IRAK4: variants seen among roughly 807,000 people sequenced by gnomAD.
IRAK4 encodes interleukin-1 receptor-associated kinase 4.
IRAK4 carries 44 observed loss-of-function variants against 51.8 expected under a neutral mutation model. The ratio of observed to expected loss-of-function variants is 0.85; its 90% CI spans 0.67 to 1.09. The LOEUF (loss-of-function observed/expected upper bound fraction) is 1.09, where lower values mean the gene tolerates loss of function less well. Among genes scored for constraint, IRAK4 ranks in the 50% least tolerant of loss-of-function variants. The pLI is 0.00. For missense variants in IRAK4, 487 were observed against 538.0 expected, an observed-to-expected ratio of 0.91 and a Z score of 0.94; for synonymous variants, 149 against 174.1, an observed-to-expected ratio of 0.86 and a Z score of 1.13.
At chr12:43,784,719 A>G (rs913375494) in intron 10 of IRAK4, among the ~76,000 whole-genome samples, 14 of 152,236 alleles carry the variant, frequency 9.2e-5, no homozygotes, top group Admixed American at 4.6e-4. Flanking sequence ...ATCATATAAT[A>G]GTGAAAATCA....
chr12:43,786,931 C>G lies in IRAK4; in HGVS notation c.*216C>G. ...CCATTAGTATCACCCCCAGTTCTTA[C>G]AGTAATCCCTGAGAAATCTCCTTCA... On this transcript the variant is annotated 3_prime_UTR_variant, in exon 12 of 12. Transcript: ENST00000613694. 1 of 564,888 alleles carries G rather than the reference C, an allele frequency of 1.8e-6. No homozygotes were observed. Among genetic ancestry groups the G allele is most frequent in the Non-Finnish European group, 3.1e-6 (1 of 320,878 alleles). 35.0% of individuals were successfully genotyped at this position (564,888 alleles called of 1,614,324 possible). A position where few individuals can be genotyped will look rare whatever the true frequency, so the allele number is the denominator to read the frequency against.
intron 1 of IRAK4, among the ~76,000 whole-genome samples, chr12:43,767,092 ATTAT>A (rs1038116762): frequency 6.6e-6 from 1 of 152,216 alleles, no homozygotes; most frequent in African/African-American, 2.4e-5. Flanking sequence ...ATATGAACAC[ATTAT>A]TTACTCTAAA....
rs991505795 is a variant in IRAK4, at chr12:43,787,060, T to C, written c.*345T>C. ...TCTGAAGCCCAGCTGACTCCACTACTAATTTGCTGTAAAGCTTTGGACATA... is the reference window on the plus strand; with the variant it reads ...TCTGAAGCCCAGCTGACTCCACTACCAATTTGCTGTAAAGCTTTGGACATA... On this transcript the variant is annotated 3_prime_UTR_variant, in exon 12 of 12. Transcript: ENST00000613694. The C allele has an allele frequency of 7.6e-6, 2 of 264,284 alleles. No homozygotes were observed. The highest frequency in any genetic ancestry group is 1.6e-4 in the East Asian group (2 of 12,242). The allele number at this position is 264,284 out of a possible 1,614,324, so 16.4% of individuals were successfully genotyped here. A position where few individuals can be genotyped will look rare whatever the true frequency, so the allele number is the denominator to read the frequency against.
Position 43,760,257 on chromosome 12 carries a change from C to G in IRAK4, c.-10+1241C>G, listed in dbSNP as rs4251428. 9.6e-3 allele frequency among the ~76,000 whole-genome samples: 1,458 copies of G among 152,298 alleles called. 22 individuals are homozygous for G. The highest frequency in any genetic ancestry group is 0.033 in the African/African-American group (1,366 of 41,566). On this transcript the variant is annotated intron_variant, in intron 1 of 11. Coordinates refer to ENST00000613694, the MANE Select transcript of IRAK4 (RefSeq NM_016123.4). ...TTTCTATTGGCTCCACCTCAGAATCCTAGGACTTCTGCACTTGCTCTGCTA... is the reference window on the plus strand; with the variant it reads ...TTTCTATTGGCTCCACCTCAGAATCGTAGGACTTCTGCACTTGCTCTGCTA...
At chr12:43,785,344 AT>A (rs1256762816) in intron 10 of IRAK4, among the ~76,000 whole-genome samples, 2 of 151,008 alleles carry the variant, frequency 1.3e-5, no homozygotes, top group African/African-American at 4.9e-5. Context: ...CCTGCTCCCT[AT>A]TTTTTCCCCT....
intron 10 of IRAK4, among the ~76,000 whole-genome samples, chr12:43,785,638 T>TTTTTA (rs1565687897): frequency 6.2e-5 from 9 of 145,446 alleles, no homozygotes; most frequent in African/African-American, 2.3e-4. Context: ...ATATATATAT[T>TTTTTA]TATATATATA....
At chr12:43,777,217 C>G (rs1388137531) in intron 6 of IRAK4, among the ~76,000 whole-genome samples, 1 of 152,030 alleles carries the variant, frequency 6.6e-6, no homozygotes, top group Non-Finnish European at 1.5e-5. Context: ...ACAGTGAGAC[C>G]TCATCTTTAC....
At chr12:43,783,291 A>G (rs1380590516) in intron 9 of IRAK4, among the ~76,000 whole-genome samples, 1 of 151,764 alleles carries the variant, frequency 6.6e-6, no homozygotes, top group Admixed American at 6.6e-5. Context: ...TGAGTATTAT[A>G]TATATAATTT....
chr12:43,780,664 C>T (rs1485198327), intron 8 of IRAK4, among the ~76,000 whole-genome samples: 9 of 151,822 alleles, frequency 5.9e-5, no homozygotes, highest in East Asian at 1.9e-4. Context: ...CGTCGCCTCC[C>T]GGGTTCAAGA....
chr12:43,761,309 A>G (rs1263036594), intron 1 of IRAK4, among the ~76,000 whole-genome samples: 1 of 152,240 alleles, frequency 6.6e-6, no homozygotes, highest in Non-Finnish European at 1.5e-5. Context: ...GACAGCCACC[A>G]TCTCAAAAGC....
Position 43,786,541 on chromosome 12 carries a change from G to C in IRAK4, c.1331G>C (p.Arg444Thr). Reference sequence around the variant, plus strand: ...TGTCTGCATGAAAAGAAAAATAAGAGACCAGACATTAAGAAGGTATGCATT... The same window carrying C: ...TGTCTGCATGAAAAGAAAAATAAGACACCAGACATTAAGAAGGTATGCATT... ...SQCLHEKKNK[R>T]PDIKKVQQLL... Residue 444 changes from arginine to threonine, a missense_variant, in exon 11 of 12, where the codon AGA becomes ACA. Physicochemically the swap from Arg to Thr is moderately conservative, Grantham distance 71. Coordinates refer to ENST00000613694, the MANE Select transcript of IRAK4 (RefSeq NM_016123.4). The C allele has an allele frequency of 1.2e-6, 2 of 1,613,490 alleles. No individual in the cohort carries two copies. Among genetic ancestry groups the C allele is most frequent in the Non-Finnish European group, 1.7e-6 (2 of 1,179,760 alleles).
chr12:43,782,634 A>ATAAAG, intron 9 of IRAK4, 144 bp downstream of exon 9: 1 of 683,556 alleles, frequency 1.5e-6, no homozygotes, highest in Non-Finnish European at 2.4e-6. Context: ...CTTATACCAG[A>ATAAAG]AAGTTTATAA....
chr12:43,772,131 A>G, intron 3 of IRAK4, 49 bp from the exon 4 acceptor site: 1 of 1,469,674 alleles, frequency 6.8e-7, no homozygotes, highest in Non-Finnish European at 9.5e-7. Context: ...CTTTTTCACA[A>G]CCACTTTTTC....
In IRAK4 at chr12:43,771,224, T is replaced by A; in HGVS notation, c.166T>A (p.Phe56Ile). ...DRYNQFHIRR[F>I]EALLQTGKSP... Reference sequence around the variant, plus strand: ...TCTTTGTTACTTACTTTTAAGGAGATTTGAAGCATTACTTCAAACTGGAAA... The same window carrying A: ...TCTTTGTTACTTACTTTTAAGGAGAATTGAAGCATTACTTCAAACTGGAAA... The change falls in exon 3 of 12, where the codon TTT (phenylalanine) becomes ATT (isoleucine). Residue 56 changes from phenylalanine to isoleucine, a missense_variant. By Grantham distance (21) the Phe-to-Ile change is conservative (BLOSUM62 0). Coordinates refer to ENST00000613694, the MANE Select transcript of IRAK4 (RefSeq NM_016123.4). 6.8e-6 allele frequency: 11 copies of A among 1,613,760 alleles called. No individual in the cohort carries two copies. The highest frequency in any genetic ancestry group is 9.3e-6 in the Non-Finnish European group (11 of 1,179,742).
rs1173684531 is a variant in IRAK4 at position 43,787,995 on chromosome 12, T to G, written c.*1280T>G. On this transcript the variant is annotated 3_prime_UTR_variant, in exon 12 of 12. Transcript: ENST00000613694. ...TAGCTGGAACCAGGGAGGTAGAGGTTGCAGTGAGCTGAGATCGTGCCACTG... is the reference window on the plus strand; with the variant it reads ...TAGCTGGAACCAGGGAGGTAGAGGTGGCAGTGAGCTGAGATCGTGCCACTG... 1 of 152,220 alleles carries G rather than the reference T, an allele frequency of 6.6e-6. No individual in the cohort carries two copies. Among genetic ancestry groups the G allele is most frequent in the African/African-American group, 2.4e-5 (1 of 41,400 alleles). 9.4% of individuals were successfully genotyped at this position (152,220 alleles called of 1,614,324 possible).
chr12:43,768,060 T>G lies in IRAK4; in HGVS notation c.-9-43T>G, dbSNP rs1940353338. On this transcript the variant is annotated intron_variant, in intron 1 of 11. Coordinates refer to ENST00000613694, the MANE Select transcript of IRAK4 (RefSeq NM_016123.4). Reference sequence around the variant, plus strand: ...TATATAAGCTTACAGATGTCATCTCTAAAAGTACTGTAAAATTTTAATGAG... The same window carrying G: ...TATATAAGCTTACAGATGTCATCTCGAAAAGTACTGTAAAATTTTAATGAG... The G allele has an allele frequency of 4.8e-6, 7 of 1,470,498 alleles. 1 individual carries two copies. The South Asian group carries it at 5.8e-5, about 12-fold the overall frequency. 91.1% of individuals were successfully genotyped at this position (1,470,498 alleles called of 1,614,324 possible).
At chr12:43,763,335 C>T (rs1375156885) in intron 1 of IRAK4, 2 of 152,172 alleles carry the variant, frequency 1.3e-5, no homozygotes, top group East Asian at 1.9e-4. Flanking sequence ...ACCAAAACAA[C>T]ATGCTGCAGT....
intron 5 of IRAK4, among the ~76,000 whole-genome samples, chr12:43,773,597 G>A (rs1940994231): frequency 6.6e-6 from 1 of 152,046 alleles, no homozygotes; most frequent in Non-Finnish European, 1.5e-5. Flanking sequence ...ATGTGATAAA[G>A]ATAGTCACTC....
chr12:43,787,931 C>T lies in IRAK4; in HGVS notation c.*1216C>T, dbSNP rs1942318635. ...AATTAGACGAGCGTGGTGGTGGACACCTGTAGTCCCAGCTACTTGGGAGGC... is the reference window on the plus strand; with the variant it reads ...AATTAGACGAGCGTGGTGGTGGACATCTGTAGTCCCAGCTACTTGGGAGGC... On this transcript the variant is annotated 3_prime_UTR_variant, in exon 12 of 12. Coordinates refer to ENST00000613694, the MANE Select transcript of IRAK4 (RefSeq NM_016123.4). 1 of 152,428 alleles carries T rather than the reference C, an allele frequency of 6.6e-6. No homozygotes were observed. The highest frequency in any genetic ancestry group is 2.1e-4 in the South Asian group (1 of 4,832). The allele number at this position is 152,428 out of a possible 1,614,324, so 9.4% of individuals were successfully genotyped here. A position where few individuals can be genotyped will look rare whatever the true frequency, so the allele number is the denominator to read the frequency against.
Sources: allele counts gnomAD v4.1 joint callset (sites outside exome capture counted in the v4.1 genomes callset), GRCh38; gene constraint gnomAD v4.1.1; transcripts MANE v1.5; gene names NCBI Gene and HGNC (gene_info 2026-07-23, HGNC 2026-07-21).